STT3B: variants seen among roughly 807,000 people sequenced by gnomAD.
STT3B encodes the protein STT3 oligosaccharyltransferase complex catalytic subunit B.
STT3B carries 29 observed loss-of-function variants against 96.8 expected under a neutral mutation model. That is an observed-to-expected ratio of 0.30 (90% CI 0.22 to 0.41). STT3B has a LOEUF of 0.41. Among genes scored for constraint, STT3B ranks in the 10% least tolerant of loss-of-function variants. The probability of loss-of-function intolerance (pLI) is 1.00; values close to 1 mark genes in which losing one functional copy is unlikely to be tolerated. For synonymous variants in STT3B, 367 were observed against 360.0 expected (o/e 1.02, Z -0.22); for missense variants, 640 against 1,022.3 (o/e 0.63, Z 5.10).
At chr3:31,533,386 TCTC>T in intron 1 of STT3B, 74 bp downstream of exon 1, 2 of 1,370,148 alleles carry the variant, frequency 1.5e-6, no homozygotes, top group South Asian at 1.6e-5. Flanking sequence ...CCGCCGCAGC[TCTC>T]CTCGACTTGG....
chr3:31,540,639 C>T (rs1559357234), intron 1 of STT3B, among the ~76,000 whole-genome samples: 1 of 152,122 alleles, frequency 6.6e-6, no homozygotes, highest in African/African-American at 2.4e-5. Flanking sequence ...TTTCTGTCCC[C>T]TGCCTCCCCG....
chr3:31,593,780 A>G (rs1020164658), intron 3 of STT3B, among the ~76,000 whole-genome samples: 3 of 151,986 alleles, frequency 2.0e-5, no homozygotes, highest in Non-Finnish European at 4.4e-5. Context: ...ATTTTGTGTT[A>G]TATCATTATA....
chr3:31,624,774 T>TC (rs1241541063), intron 11 of STT3B, 140 bp from the exon 12 acceptor site: 2 of 578,144 alleles, frequency 3.5e-6, no homozygotes, highest in Middle Eastern at 3.9e-4. Flanking sequence ...CTTTTTTTTT[T>TC]CTCATTGGTA....
intron 1 of STT3B, among the ~76,000 whole-genome samples, chr3:31,535,284 G>T (rs1020341058): frequency 1.3e-5 from 2 of 151,702 alleles, no homozygotes; most frequent in Admixed American, 6.6e-5. Context: ...TAATGAAAAG[G>T]CTCAACAAGT....
intron 3 of STT3B, among the ~76,000 whole-genome samples, chr3:31,590,649 C>A (rs1392320159): frequency 2.0e-5 from 3 of 151,782 alleles, no homozygotes; most frequent in African/African-American, 7.3e-5. Context: ...TATAATTTGT[C>A]TTTTTAAGTA....
intron 5 of STT3B, among the ~76,000 whole-genome samples, chr3:31,614,358 G>A (rs1307449923): frequency 1.3e-5 from 2 of 151,848 alleles, no homozygotes; most frequent in African/African-American, 2.4e-5. Flanking sequence ...AATCAATTGC[G>A]TAACAGTGGT....
intron 1 of STT3B, among the ~76,000 whole-genome samples, chr3:31,573,579 C>T (rs1009716652): frequency 3.3e-5 from 5 of 152,042 alleles, no homozygotes; most frequent in African/African-American, 4.8e-5. Flanking sequence ...ACTTAGGTGG[C>T]GGTAAGAGAA....
chr3:31,550,973 T>C (rs1697539806), intron 1 of STT3B, among the ~76,000 whole-genome samples: 1 of 152,152 alleles, frequency 6.6e-6, no homozygotes, highest in Admixed American at 6.5e-5. Context: ...TAGTGCTGAA[T>C]TTTGGGTATA....
chr3:31,633,681 AATATT>A (rs1216329585), intron 15 of STT3B, among the ~76,000 whole-genome samples: 10 of 151,790 alleles, frequency 6.6e-5, no homozygotes, highest in Admixed American at 3.3e-4. Flanking sequence ...ATTCTTTTCT[AATATT>A]ATATAAGATA....
intron 5 of STT3B, among the ~76,000 whole-genome samples, chr3:31,606,308 G>T (rs1301710074): frequency 6.6e-6 from 1 of 152,184 alleles, no homozygotes. Flanking sequence ...CCAAGACAGT[G>T]GGGGAAATGT....
chr3:31,535,560 C>G (rs928285622), intron 1 of STT3B, among the ~76,000 whole-genome samples: 1 of 151,908 alleles, frequency 6.6e-6, no homozygotes, highest in Non-Finnish European at 1.5e-5. Context: ...CCCCTCTCTA[C>G]TAAAAATACA....
At chr3:31,626,209 ATTTGTTTCAT>A (rs1232078128) in intron 13 of STT3B, 82 bp downstream of exon 13, 4 of 1,270,540 alleles carry the variant, frequency 3.1e-6, no homozygotes, top group Non-Finnish European at 4.4e-6. Flanking sequence ...ATTGCATTGT[ATTTGTTTCAT>A]CATCCTATCC....
chr3:31,610,132 A>G (rs1481003151), intron 5 of STT3B, among the ~76,000 whole-genome samples: 1 of 152,144 alleles, frequency 6.6e-6, no homozygotes, highest in Non-Finnish European at 1.5e-5. Flanking sequence ...TCTTTAATCC[A>G]TGTTTCTTAC....
chr3:31,619,055 T>TGCCA (rs200393894), intron 8 of STT3B, among the ~76,000 whole-genome samples: 2,761 of 152,192 alleles, frequency 0.018, 34 homozygotes, highest in Non-Finnish European at 0.03. Flanking sequence ...CCTGTCTCCA[T>TGCCA]GCCAGCTTCA....
intron 15 of STT3B, among the ~76,000 whole-genome samples, chr3:31,635,190 A>C (rs976078578): frequency 6.6e-6 from 1 of 152,136 alleles, no homozygotes; most frequent in Non-Finnish European, 1.5e-5. Flanking sequence ...GCATTAAATT[A>C]CTTAGTTTCA....
intron 6 of STT3B, 39 bp downstream of exon 6, chr3:31,615,242 G>A (rs777190180): frequency 4.1e-6 from 6 of 1,454,464 alleles, no homozygotes; most frequent in Non-Finnish European, 3.8e-6. Context: ...TAAAGAATAT[G>A]TGGACGTGTG....
intron 1 of STT3B, among the ~76,000 whole-genome samples, chr3:31,559,442 A>T (rs1246387076): frequency 6.6e-6 from 1 of 150,936 alleles, no homozygotes; most frequent in African/African-American, 2.4e-5. Flanking sequence ...TTCTCCTTTA[A>T]AATTTTTTCC....
At chr3:31,616,563 G>T (rs1398968883) in intron 6 of STT3B, among the ~76,000 whole-genome samples, 1 of 151,810 alleles carries the variant, frequency 6.6e-6, no homozygotes, top group Non-Finnish European at 1.5e-5. Context: ...ACAAATCGGA[G>T]AATTGTTTTT....
At chr3:31,631,507 T>G (rs1699665243) in intron 14 of STT3B, among the ~76,000 whole-genome samples, 1 of 152,232 alleles carries the variant, frequency 6.6e-6, no homozygotes, top group African/African-American at 2.4e-5. Flanking sequence ...TTTTAAGCCA[T>G]GTTCCCAGCA....
Sources: allele counts gnomAD v4.1 joint callset (sites outside exome capture counted in the v4.1 genomes callset), GRCh38; gene constraint gnomAD v4.1.1; transcripts MANE v1.5; gene names NCBI Gene and HGNC (gene_info 2026-07-23, HGNC 2026-07-21).